The following C2CD3 variants were observed in gnomAD, a reference collection of about 807,000 sequenced individuals.
C2CD3 encodes the protein C2 domain-containing protein 3.
A neutral mutation model predicts 234.0 loss-of-function variants in C2CD3; 148 were observed. The ratio of observed to expected loss-of-function variants is 0.63; its 90% CI spans 0.55 to 0.72. C2CD3 has a LOEUF of 0.72. Ranked by LOEUF, C2CD3 falls within the 30% of genes least tolerant of loss-of-function variation. The pLI, the probability that C2CD3 is intolerant of heterozygous loss-of-function variation, is 0.00. For synonymous variants in C2CD3, 1,000 were observed against 1,035.4 expected (o/e 0.97, Z 0.66); for missense variants, 2,577 against 2,811.5 (o/e 0.92, Z 1.89).
chr11:74,149,777 C>G (rs1316660013), intron 3 of C2CD3, among the ~76,000 whole-genome samples: 1 of 151,994 alleles, frequency 6.6e-6, no homozygotes, highest in Non-Finnish European at 1.5e-5. Flanking sequence ...TAAGTTTACT[C>G]CCTCATTTTG....
chr11:74,085,845 G>T lies in C2CD3; in HGVS notation c.3683C>A (p.Thr1228Lys). Residue 1228 changes from threonine (T) to lysine (K), a missense_variant, in exon 21 of 33, where the codon ACA becomes AAA. Physicochemically the swap from Thr to Lys is moderately conservative, Grantham distance 78. Transcript: ENST00000334126. ...GGTGACAGAGGCATTGACCCCGACT[G>T]TGGCACTAAACTGTAGAGCGGGTTC... ...EREPALQFSATVGVNASVTTH... is the reference protein window; with the variant it reads ...EREPALQFSAKVGVNASVTTH... The T allele has an allele frequency of 6.2e-7, 1 of 1,614,082 alleles. No homozygotes were observed. Among genetic ancestry groups the T allele is most frequent in the South Asian group, 1.1e-5 (1 of 91,066 alleles).
intron 13 of C2CD3, among the ~76,000 whole-genome samples, chr11:74,105,319 G>A (rs532413732): frequency 1.3e-5 from 2 of 152,038 alleles, no homozygotes; most frequent in Admixed American, 6.6e-5. Context: ...CGCCCAGGCT[G>A]GAGTGCAATG....
intron 22 of C2CD3, among the ~76,000 whole-genome samples, chr11:74,081,604 T>TTCATCA (rs60381365): frequency 6.6e-6 from 1 of 151,426 alleles, no homozygotes; most frequent in Non-Finnish European, 1.5e-5. Flanking sequence ...TGCCATATTC[T>TTCATCA]TCATCATCAT....
Position 74,048,293 on chromosome 11 carries a change from C to G in C2CD3, c.5407G>C (p.Ala1803Pro), listed in dbSNP as rs1230933651. The change falls in exon 28 of 33, where the codon GCT (alanine) becomes CCT (proline). Residue 1803 changes from alanine (A) to proline (P), a missense_variant. Coordinates refer to ENST00000334126, the MANE Select transcript of C2CD3 (RefSeq NM_001286577.2). ...CTTGCCATGTGGCTGGAGAATGCAGCATACGTATCAGAGGCAGGGAAGGAA... is the reference window on the plus strand; with the variant it reads ...CTTGCCATGTGGCTGGAGAATGCAGGATACGTATCAGAGGCAGGGAAGGAA... ...PFSFPASDTYAAFSSHMARQT... is the reference protein window; with the variant it reads ...PFSFPASDTYPAFSSHMARQT... 2 of 1,613,558 alleles carry G rather than the reference C, an allele frequency of 1.2e-6. No individual in the cohort carries two copies. The highest frequency in any genetic ancestry group is 1.3e-5 in the African/African-American group (1 of 74,882).
intron 31 of C2CD3, among the ~76,000 whole-genome samples, chr11:74,030,419 T>G (rs774595993): frequency 2.0e-5 from 3 of 152,226 alleles, no homozygotes; most frequent in Non-Finnish European, 2.9e-5. Flanking sequence ...TTCCCACCAC[T>G]GTAAGGTCCT....
rs550430135 is a variant in C2CD3, at chr11:74,129,157, G to C, written c.1217+3687C>G. The C allele has an allele frequency of 3.4e-3, 595 of 174,372 alleles. 2 individuals carry two copies. Among genetic ancestry groups the C allele is most frequent in the Middle Eastern group, 7.9e-3 (3 of 380 alleles). The allele number at this position is 174,372 out of a possible 1,614,324, so 10.8% of individuals were successfully genotyped here. On this transcript the variant is annotated intron_variant, in intron 7 of 32. Coordinates refer to ENST00000334126, the MANE Select transcript of C2CD3 (RefSeq NM_001286577.2). ...GCGCCCCTCACCTCCCGGACGGGGC[G>C]GCTGGCCGGGCGGGGAGCTGACCCC...
intron 20 of C2CD3, among the ~76,000 whole-genome samples, chr11:74,088,237 T>A (rs1019138214): frequency 1.3e-5 from 2 of 152,196 alleles, no homozygotes; most frequent in East Asian, 1.9e-4. Context: ...TATTTGTTAA[T>A]TTTTACACTG....
chr11:74,103,649 G>A, intron 13 of C2CD3, 24 bp from the exon 14 acceptor site: 2 of 1,581,640 alleles, frequency 1.3e-6, no homozygotes, highest in Non-Finnish European at 1.7e-6. Context: ...AAGGAGAAGA[G>A]TCAATAAGAA....
chr11:74,032,937 C>A (rs748075841), intron 31 of C2CD3, among the ~76,000 whole-genome samples: 1 of 151,360 alleles, frequency 6.6e-6, no homozygotes, highest in Non-Finnish European at 1.5e-5. Context: ...ATGATACCTA[C>A]CTAAAAGACT....
chr11:74,018,120 G>A (rs1207923272), intron 32 of C2CD3, among the ~76,000 whole-genome samples: 18 of 152,206 alleles, frequency 1.2e-4, no homozygotes, highest in Admixed American at 1.2e-3. Context: ...AAGAACTTCT[G>A]TTTGGTCTTC....
chr11:74,022,812 CT>C (rs1188253036), intron 32 of C2CD3, among the ~76,000 whole-genome samples: 1 of 152,268 alleles, frequency 6.6e-6, no homozygotes, highest in Non-Finnish European at 1.5e-5. Context: ...GAATTTGGAA[CT>C]GCAAATGGAT....
intron 11 of C2CD3, among the ~76,000 whole-genome samples, chr11:74,110,181 T>A (rs1339851509): frequency 6.8e-6 from 1 of 146,182 alleles, no homozygotes; most frequent in African/African-American, 2.6e-5. Flanking sequence ...TACTTACTAT[T>A]ACTTACCACC....
chr11:74,094,015 G>A lies in C2CD3; in HGVS notation c.3161-16C>T, dbSNP rs370736233. On this transcript the variant is annotated splice_polypyrimidine_tract_variant and intron_variant, in intron 17 of 32. Coordinates refer to ENST00000334126, the MANE Select transcript of C2CD3 (RefSeq NM_001286577.2). ...AGAGTAATTCCTTTGGAAAAGAAAA[G>A]CATTTCAGAATAATCCAACATATGA... 2.7e-5 allele frequency: 43 copies of A among 1,602,426 alleles called. No individual in the cohort carries two copies. The highest frequency in any genetic ancestry group is 3.7e-5 in the Non-Finnish European group (43 of 1,170,988).
At chr11:74,124,388 A>C (rs1337422824) in intron 7 of C2CD3, among the ~76,000 whole-genome samples, 1 of 152,192 alleles carries the variant, frequency 6.6e-6, no homozygotes, top group Non-Finnish European at 1.5e-5. Context: ...CTTAGGCTAC[A>C]GCAGGGTTTC....
intron 24 of C2CD3, among the ~76,000 whole-genome samples, chr11:74,058,026 C>T (rs1463178453): frequency 1.3e-5 from 2 of 152,150 alleles, no homozygotes; most frequent in African/African-American, 2.4e-5. Context: ...CTTTTTAAGG[C>T]TCAGTTCATA....
intron 26 of C2CD3, among the ~76,000 whole-genome samples, chr11:74,053,939 G>A (rs1953824149): frequency 6.6e-6 from 1 of 151,108 alleles, no homozygotes; most frequent in South Asian, 2.1e-4. Flanking sequence ...AGATAGAGGA[G>A]TTAGAGCCTG....
rs1474877915 is a variant in C2CD3, at chr11:74,077,837, ATATATATATT to A, written c.4603+268_4603+277del. On this transcript the variant is annotated intron_variant, in intron 23 of 32. Coordinates refer to ENST00000334126, the MANE Select transcript of C2CD3 (RefSeq NM_001286577.2). ...TATATATATATATATATATATATAT[ATATATATATT>A]ATCTCTTTAGTTACAAGAAGCACTA... Among the ~76,000 whole-genome samples the A allele has an allele frequency of 5.3e-3, 94 of 17,618 alleles. 17 individuals are homozygous for A. The highest frequency in any genetic ancestry group is 0.035 in the African/African-American group (85 of 2,444). The allele number at this position is 17,618 out of a possible 152,430, so 11.6% of individuals were successfully genotyped here.
intron 5 of C2CD3, among the ~76,000 whole-genome samples, chr11:74,137,148 G>A (rs1957890983): frequency 6.6e-6 from 1 of 150,736 alleles, no homozygotes; most frequent in African/African-American, 2.4e-5. Context: ...TCTTCTTAAT[G>A]AGGTCTTCCT....
At chr11:74,104,517 TG>T (rs1419228533) in intron 13 of C2CD3, among the ~76,000 whole-genome samples, 14 of 151,796 alleles carry the variant, frequency 9.2e-5, no homozygotes, top group East Asian at 5.8e-4. Context: ...TGTACATGTA[TG>T]GGGGGAGGAG....
Sources: gnomAD v4.1 joint callset for allele counts (sites outside exome capture counted in the v4.1 genomes callset) on GRCh38, gnomAD v4.1.1 for gene constraint, MANE v1.5 for transcripts, NCBI Gene and HGNC (gene_info 2026-07-23, HGNC 2026-07-21) for gene names.